Variants in DNAJB13 observed in about 807,000 individuals in gnomAD.
DNAJB13 encodes DnaJ heat shock protein family (Hsp40) member B13.
DNAJB13 carries 22 observed loss-of-function variants against 35.6 expected under a neutral mutation model. The ratio of observed to expected loss-of-function variants is 0.62; its 90% CI spans 0.44 to 0.88. DNAJB13 has a LOEUF of 0.88. Ranked by LOEUF, DNAJB13 falls within the 40% of genes least tolerant of loss-of-function variation. The pLI, the probability that DNAJB13 is intolerant of heterozygous loss-of-function variation, is 0.00. For missense variants in DNAJB13, 370 were observed against 384.3 expected, an observed-to-expected ratio of 0.96 and a Z score of 0.31; for synonymous variants, 136 against 144.2, an observed-to-expected ratio of 0.94 and a Z score of 0.41.
At chr11:73,951,508 A>C (rs951248210) in intron 1 of DNAJB13, among the ~76,000 whole-genome samples, 1 of 152,182 alleles carries the variant, frequency 6.6e-6, no homozygotes, top group African/African-American at 2.4e-5. Context: ...GGATGTTTTA[A>C]ATTCAATTCT....
intron 5 of DNAJB13, among the ~76,000 whole-genome samples, 177 bp downstream of exon 5, chr11:73,966,428 A>G (rs1951117938): frequency 6.6e-6 from 1 of 152,206 alleles, no homozygotes; most frequent in Admixed American, 6.5e-5. Flanking sequence ...TCCAAGGAAC[A>G]GAGCCTTAGC....
Position 73,958,405 on chromosome 11 carries a change from G to A in DNAJB13, c.157G>A (p.Asp53Asn), listed in dbSNP as rs1950822723. Reference sequence around the variant, plus strand: ...TTTCAGGCAAATAGCAGAGGCCTACGACGTGCTGAGTGACCGTGAGTAGGT... The same window carrying A: ...TTTCAGGCAAATAGCAGAGGCCTACAACGTGCTGAGTGACCGTGAGTAGGT... ...EIFRQIAEAY[D>N]VLSDPMKRGI... The change falls in exon 2 of 8, where the codon GAC becomes AAC. Residue 53 changes from aspartate (D) to asparagine (N), a missense_variant. Asp to Asn is a conservative substitution (Grantham distance 23). Coordinates refer to ENST00000339764, the MANE Select transcript of DNAJB13 (RefSeq NM_153614.4). The A allele has an allele frequency of 6.2e-7, 1 of 1,614,020 alleles. No homozygotes were observed. The highest frequency in any genetic ancestry group is 1.1e-5 in the South Asian group (1 of 91,088).
intron 2 of DNAJB13, among the ~76,000 whole-genome samples, chr11:73,958,870 A>G (rs1950839394): frequency 6.6e-6 from 1 of 152,266 alleles, no homozygotes; most frequent in South Asian, 2.1e-4. Flanking sequence ...AAAGGCCAGG[A>G]GTAATTAGGA....
chr11:73,964,850 C>A lies in DNAJB13; in HGVS notation c.335-28C>A, dbSNP rs532463037. The A allele has an allele frequency of 1.6e-5, 25 of 1,598,616 alleles. No individual in the cohort carries two copies. In the East Asian group the frequency reaches 4.8e-4, roughly 31 times the overall value. On this transcript the variant is annotated intron_variant, in intron 3 of 7. Coordinates refer to ENST00000339764, the MANE Select transcript of DNAJB13 (RefSeq NM_153614.4). ...ATGTCTGGGTCTCTGGATACAATTT[C>A]TCTTACTCCTCTCCCTACCTCCTGC...
chr11:73,958,073 C>T (rs1243636272), intron 1 of DNAJB13, among the ~76,000 whole-genome samples: 1 of 152,198 alleles, frequency 6.6e-6, no homozygotes, highest in African/African-American at 2.4e-5. Flanking sequence ...TTGAGGGCAG[C>T]TCAGGGGCAG....
chr11:73,954,169 A>G (rs1215761772), intron 1 of DNAJB13, among the ~76,000 whole-genome samples: 1 of 151,142 alleles, frequency 6.6e-6, no homozygotes, highest in Non-Finnish European at 1.5e-5. Flanking sequence ...TATTAAAAAT[A>G]CAAAAAATTA....
intron 3 of DNAJB13, chr11:73,964,462 G>A (rs1452092687): frequency 2.2e-5 from 5 of 223,560 alleles, no homozygotes; most frequent in African/African-American, 7.1e-5. Flanking sequence ...TTCCTGCCGA[G>A]GACTACCAGC....
chr11:73,958,101 C>T (rs1950810293), intron 1 of DNAJB13, among the ~76,000 whole-genome samples: 1 of 152,182 alleles, frequency 6.6e-6, no homozygotes, highest in African/African-American at 2.4e-5. Flanking sequence ...AGCTCAGATG[C>T]CCAGGGGGGC....
intron 6 of DNAJB13, among the ~76,000 whole-genome samples, chr11:73,968,838 C>T (rs949659028): frequency 1.3e-5 from 2 of 152,160 alleles, no homozygotes; most frequent in African/African-American, 4.8e-5. Flanking sequence ...AGCACCCTGC[C>T]TGTGTGGCGC....
At chr11:73,963,546 C>A (rs913161487) in intron 3 of DNAJB13, 1 of 152,186 alleles carries the variant, frequency 6.6e-6, no homozygotes, top group Non-Finnish European at 1.5e-5. Context: ...AGTGCTCCAC[C>A]CCAAGGGTTC....
At chr11:73,955,918 C>A (rs934725500) in intron 1 of DNAJB13, among the ~76,000 whole-genome samples, 2 of 152,174 alleles carry the variant, frequency 1.3e-5, no homozygotes, top group Non-Finnish European at 2.9e-5. Context: ...GTAAGGTCCC[C>A]AGGGCACAGC....
intron 1 of DNAJB13, among the ~76,000 whole-genome samples, chr11:73,954,123 G>C (rs1950666209): frequency 6.6e-6 from 1 of 150,980 alleles, no homozygotes; most frequent in Admixed American, 6.6e-5. Context: ...TCAGGAGTTT[G>C]AGACCAGCCT....
chr11:73,965,172 T>C (rs2135333701), intron 4 of DNAJB13, 137 bp downstream of exon 4: 2 of 1,016,286 alleles, frequency 2.0e-6, no homozygotes, highest in Non-Finnish European at 2.8e-6. Flanking sequence ...AGACCTAGGA[T>C]GTTAGAATTC....
At chr11:73,963,033 G>A (rs577687614) in intron 3 of DNAJB13, among the ~76,000 whole-genome samples, 7 of 152,220 alleles carry the variant, frequency 4.6e-5, no homozygotes, top group Non-Finnish European at 1.0e-4. Context: ...ATGAAAAGGG[G>A]CTTTGCAATC....
intron 1 of DNAJB13, among the ~76,000 whole-genome samples, chr11:73,954,519 A>G (rs1950680383): frequency 6.6e-6 from 1 of 150,736 alleles, no homozygotes; most frequent in African/African-American, 2.4e-5. Context: ...AGTCCCAGCT[A>G]CTCGGGAGGG....
Position 73,966,269 on chromosome 11 carries a change from T to C in DNAJB13, c.606+18T>C. 1 of 1,604,600 alleles carries C rather than the reference T, an allele frequency of 6.2e-7. No individual in the cohort carries two copies. The highest frequency in any genetic ancestry group is 1.1e-5 in the South Asian group (1 of 89,346). ...GGGACCAGGTGAGGGGGGAAGAAGC[T>C]GACTCAGGTCAGTCACTGAGCTCAG... is the stretch of plus-strand genomic sequence containing the variant. On this transcript the variant is annotated intron_variant, in intron 5 of 7. Coordinates refer to ENST00000339764, the MANE Select transcript of DNAJB13 (RefSeq NM_153614.4).
At chr11:73,956,404 G>C (rs1221354472) in intron 1 of DNAJB13, among the ~76,000 whole-genome samples, 1 of 152,200 alleles carries the variant, frequency 6.6e-6, no homozygotes, top group African/African-American at 2.4e-5. Context: ...TGAGGCCAGA[G>C]GGAGAAGCAG....
chr11:73,965,884 A>G (rs1951101082), intron 4 of DNAJB13: 2 of 464,892 alleles, frequency 4.3e-6, no homozygotes, highest in African/African-American at 2.0e-5. Flanking sequence ...GTCTCATGGC[A>G]TCCTCTGCCA....
chr11:73,965,163 G>C, intron 4 of DNAJB13, 128 bp downstream of exon 4: 1 of 1,060,988 alleles, frequency 9.4e-7, no homozygotes, highest in East Asian at 2.6e-5. Flanking sequence ...TAGATTCAGA[G>C]ACCTAGGATG....
Sources: allele counts gnomAD v4.1 joint callset (sites outside exome capture counted in the v4.1 genomes callset), GRCh38; gene constraint gnomAD v4.1.1; transcripts MANE v1.5; gene names NCBI Gene and HGNC (gene_info 2026-07-23, HGNC 2026-07-21).